ATE1: variants seen among roughly 807,000 people sequenced by gnomAD.
ATE1 encodes arginyl-tRNA--protein transferase 1.
Under a neutral mutation model 70.5 loss-of-function variants are expected in ATE1, and 36 were observed. That is an observed-to-expected ratio of 0.51 (90% CI 0.39 to 0.67). The LOEUF (loss-of-function observed/expected upper bound fraction) is 0.67, where lower values mean the gene tolerates loss of function less well. Ranked by LOEUF, ATE1 falls within the 30% of genes least tolerant of loss-of-function variation. The pLI is 0.00. For missense variants in ATE1, 593 were observed against 629.5 expected (o/e 0.94, Z 0.62); for synonymous variants, 232 against 219.3 (o/e 1.06, Z -0.51).
chr10:121,786,724 G>GT (rs1412762014), intron 11 of ATE1, among the ~76,000 whole-genome samples: 2 of 151,992 alleles, frequency 1.3e-5, no homozygotes, highest in African/African-American at 2.4e-5. Context: ...TGGTCAAATT[G>GT]TTTTTTACCA....
At chr10:121,789,296 CTTT>C (rs3036893) in intron 11 of ATE1, among the ~76,000 whole-genome samples, 3 of 92,684 alleles carry the variant, frequency 3.2e-5, no homozygotes, top group Non-Finnish European at 6.0e-5. Context: ...CAGGGCTATG[CTTT>C]TTTTTTTTTT....
chr10:121,768,607 T>C (rs1945373489), intron 11 of ATE1, among the ~76,000 whole-genome samples: 1 of 152,174 alleles, frequency 6.6e-6, no homozygotes. Context: ...CGACCTGCTG[T>C]GACTCTAAGA....
chr10:121,743,988 T>C, intron 11 of ATE1, 130 bp from the exon 12 acceptor site: 1 of 1,003,556 alleles, frequency 1.0e-6, no homozygotes, highest in East Asian at 2.8e-5. Context: ...AGTGGCGCTG[T>C]CTCACCTCAC....
At chr10:121,844,336 T>C (rs540774930) in intron 8 of ATE1, among the ~76,000 whole-genome samples, 5 of 152,232 alleles carry the variant, frequency 3.3e-5, no homozygotes, top group African/African-American at 1.2e-4. Flanking sequence ...CAAACAAACA[T>C]ATGAAAAGAT....
At position 121,806,566 on chromosome 10, in the gene ATE1, G is replaced by C. The variant is rs150829973; in HGVS notation, c.1258-16277C>G. On this transcript the variant is annotated intron_variant, in intron 10 of 11. Coordinates refer to ENST00000224652, the MANE Select transcript of ATE1 (RefSeq NM_001001976.3). ...CAGGACAACTGGAAAATTTCAACAT[G>C]AACTATCTATTTGATGATATTACTG... Among the ~76,000 whole-genome samples the C allele has an allele frequency of 4.8e-3, 738 of 152,260 alleles. 7 individuals are homozygous for C. Among genetic ancestry groups the C allele is most frequent in the African/African-American group, 0.017 (697 of 41,550 alleles).
intron 11 of ATE1, among the ~76,000 whole-genome samples, chr10:121,772,850 G>A (rs760062449): frequency 2.0e-5 from 3 of 152,222 alleles, no homozygotes; most frequent in Non-Finnish European, 4.4e-5. Context: ...AATTCAATGT[G>A]CATAATCAAC....
intron 7 of ATE1, among the ~76,000 whole-genome samples, chr10:121,894,819 C>T (rs4752621): frequency 0.3 from 45,773 of 151,544 alleles, 7,240 homozygotes; most frequent in South Asian, 0.43. Flanking sequence ...GAGAATGGCC[C>T]GAACCCGAGA....
chr10:121,915,276 G>A (rs970259334), intron 3 of ATE1, among the ~76,000 whole-genome samples: 2 of 152,020 alleles, frequency 1.3e-5, no homozygotes, highest in African/African-American at 4.8e-5. Context: ...AATATGACAG[G>A]AGAAATGTAA....
intron 7 of ATE1, among the ~76,000 whole-genome samples, chr10:121,876,814 A>C (rs999370684): frequency 1.3e-4 from 19 of 151,912 alleles, no homozygotes; most frequent in Admixed American, 1.2e-3. Context: ...AAAATACAAA[A>C]AATTAGCCGG....
intron 3 of ATE1, among the ~76,000 whole-genome samples, chr10:121,921,505 T>G (rs1018043185): frequency 8.0e-5 from 12 of 150,338 alleles, no homozygotes; most frequent in Admixed American, 3.4e-4. Context: ...TTTTCCTTTG[T>G]TTTACGGAAT....
chr10:121,818,358 T>C (rs373891966), intron 10 of ATE1, among the ~76,000 whole-genome samples: 28 of 151,556 alleles, frequency 1.8e-4, no homozygotes, highest in East Asian at 1.5e-3. Flanking sequence ...AGTGAGTTAG[T>C]CAAAGATGTA....
intron 8 of ATE1, among the ~76,000 whole-genome samples, chr10:121,869,040 G>A (rs546256892): frequency 1.2e-4 from 18 of 152,322 alleles, no homozygotes; most frequent in Non-Finnish European, 2.2e-4. Context: ...AGGCACAAAG[G>A]GAAGGACAAG....
chr10:121,875,908 T>C (rs1252661233), intron 7 of ATE1, among the ~76,000 whole-genome samples: 4 of 152,184 alleles, frequency 2.6e-5, no homozygotes, highest in Non-Finnish European at 4.4e-5. Flanking sequence ...TTGTTTTTAA[T>C]TTCATATAAT....
chr10:121,783,693 A>T (rs1946091034), intron 11 of ATE1, among the ~76,000 whole-genome samples: 1 of 152,108 alleles, frequency 6.6e-6, no homozygotes, highest in South Asian at 2.1e-4. Flanking sequence ...TATTTTTTAA[A>T]ATGTCACTTT....
At chr10:121,780,125 T>C (rs949659796) in intron 11 of ATE1, among the ~76,000 whole-genome samples, 3 of 152,150 alleles carry the variant, frequency 2.0e-5, no homozygotes. Context: ...TCATCAGAGT[T>C]TCAGACCTAC....
rs1457272508 is a variant in ATE1, at chr10:121,831,881, A to C, written c.1257+4837T>G. Among the ~76,000 whole-genome samples the C allele has an allele frequency of 2.0e-5, 3 of 152,204 alleles. 1 individual carries two copies. The highest frequency in any genetic ancestry group is 4.4e-5 in the Non-Finnish European group (3 of 68,032). Reference sequence around the variant, plus strand: ...TTTATAATGATACTTGTTGCTCTAAAGATCTACAGTCACAGTAACTTGCTA... The same window carrying C: ...TTTATAATGATACTTGTTGCTCTAACGATCTACAGTCACAGTAACTTGCTA... On this transcript the variant is annotated intron_variant, in intron 10 of 11. Transcript: ENST00000224652.
intron 11 of ATE1, among the ~76,000 whole-genome samples, chr10:121,788,502 G>A (rs2132903): frequency 0.94 from 143,727 of 152,228 alleles, 68,086 homozygotes; most frequent in Non-Finnish European, 0.98. Flanking sequence ...TTTCAAGGAG[G>A]TAACAAAATA....
At chr10:121,768,793 A>C (rs1454953115) in intron 11 of ATE1, among the ~76,000 whole-genome samples, 1 of 152,148 alleles carries the variant, frequency 6.6e-6, no homozygotes, top group African/African-American at 2.4e-5. Context: ...TGTATGCCCT[A>C]AATTGCAATT....
At chr10:121,841,557 AT>A (rs2133792721) in intron 8 of ATE1, among the ~76,000 whole-genome samples, 1 of 152,332 alleles carries the variant, frequency 6.6e-6, no homozygotes, top group South Asian at 2.1e-4. Context: ...CTATTAAACT[AT>A]GTCCTTCCAT....
Sources: allele counts gnomAD v4.1 joint callset (sites outside exome capture counted in the v4.1 genomes callset), GRCh38; gene constraint gnomAD v4.1.1; transcripts MANE v1.5; gene names NCBI Gene and HGNC (gene_info 2026-07-23, HGNC 2026-07-21).